The following PGPEP1 variants were observed in gnomAD, a reference collection of about 807,000 sequenced individuals.
The protein encoded by PGPEP1 is pyroglutamyl-peptidase I, also known as pyroglutamyl-peptidase 1.
PGPEP1 carries 15 observed loss-of-function variants against 24.1 expected under a neutral mutation model. That is an observed-to-expected ratio of 0.62 (90% CI 0.42 to 0.96). PGPEP1 has a LOEUF of 0.96. PGPEP1 is among the 40% of genes least tolerant of loss of function. PGPEP1 has a pLI of 0.00. For synonymous variants in PGPEP1, 122 were observed against 116.4 expected (o/e 1.05, Z -0.31); for missense variants, 242 against 273.4 (o/e 0.89, Z 0.81).
intron 4 of PGPEP1, among the ~76,000 whole-genome samples, chr19:18,359,723 G>A (rs1263842161): frequency 6.6e-6 from 1 of 152,008 alleles, no homozygotes; most frequent in Non-Finnish European, 1.5e-5. Flanking sequence ...GGCCACACCA[G>A]GGTGGTCTCG....
At chr19:18,346,415 A>G (rs1423672273) in intron 2 of PGPEP1, among the ~76,000 whole-genome samples, 1 of 151,950 alleles carries the variant, frequency 6.6e-6, no homozygotes, top group Non-Finnish European at 1.5e-5. Context: ...GTGGGTGGCA[A>G]TTGCTTCCTG....
At chr19:18,362,092 G>A (rs1971360640) in intron 4 of PGPEP1, among the ~76,000 whole-genome samples, 1 of 152,082 alleles carries the variant, frequency 6.6e-6, no homozygotes, top group South Asian at 2.1e-4. Flanking sequence ...TTGTGCAGAT[G>A]GTTCCTGAGG....
At chr19:18,355,328 T>C (rs374701987) in intron 2 of PGPEP1, among the ~76,000 whole-genome samples, 45 of 151,952 alleles carry the variant, frequency 3.0e-4, no homozygotes, top group African/African-American at 9.4e-4. Flanking sequence ...TTACGTGATC[T>C]TGGCTCACTA....
rs947278429 is a variant in PGPEP1 at position 18,340,806 on chromosome 19, G to A, written c.34+91G>A. On this transcript the variant is annotated intron_variant, in intron 1 of 4. Coordinates refer to ENST00000269919, the MANE Select transcript of PGPEP1 (RefSeq NM_017712.4). ...TGCGGGGCCGAGAGGGGCAGGTGCTGGAAGTCCTCTCAGATTTGGAAGGTG... is the reference window on the plus strand; with the variant it reads ...TGCGGGGCCGAGAGGGGCAGGTGCTAGAAGTCCTCTCAGATTTGGAAGGTG... 5.2e-6 allele frequency: 5 copies of A among 960,072 alleles called. No homozygotes were observed. The African/African-American group carries it at 8.5e-5, about 16-fold the overall frequency. The allele number at this position is 960,072 out of a possible 1,614,324, so 59.5% of individuals were successfully genotyped here.
chr19:18,358,232 ACT>A (rs1228294112), intron 4 of PGPEP1, among the ~76,000 whole-genome samples: 13 of 133,884 alleles, frequency 9.7e-5, no homozygotes, highest in Non-Finnish European at 1.9e-4. Flanking sequence ...TATATTTAGG[ACT>A]CATCCTAATC....
At position 18,361,155 on chromosome 19, in the gene PGPEP1, A is replaced by C. The variant is rs572497062; in HGVS notation, c.438-2236A>C. Reference sequence around the variant, plus strand: ...CTCAATTTTCTTTCTTTTTTTTTAAAGACAAGAGTTTCGCTCTTGTTGCCC... The same window carrying C: ...CTCAATTTTCTTTCTTTTTTTTTAACGACAAGAGTTTCGCTCTTGTTGCCC... On this transcript the variant is annotated intron_variant, in intron 4 of 4. Transcript: ENST00000269919. Among the ~76,000 whole-genome samples the C allele has an allele frequency of 3.4e-5, 5 of 148,446 alleles. No individual in the cohort carries two copies. The Admixed American group carries it at 3.4e-4, about 10-fold the overall frequency.
At chr19:18,361,198 C>T (rs1012337094) in intron 4 of PGPEP1, among the ~76,000 whole-genome samples, 5 of 150,998 alleles carry the variant, frequency 3.3e-5, no homozygotes, top group Non-Finnish European at 7.4e-5. Flanking sequence ...AGTGCAATGG[C>T]AGAATCTCAG....
intron 2 of PGPEP1, among the ~76,000 whole-genome samples, chr19:18,348,540 C>T (rs1970928364): frequency 6.6e-6 from 1 of 152,094 alleles, no homozygotes; most frequent in African/African-American, 2.4e-5. Flanking sequence ...TTGGGGTGCC[C>T]TGCCCCCCTT....
intron 3 of PGPEP1, 44 bp from the exon 4 acceptor site, chr19:18,357,339 C>T (rs1250792336): frequency 6.7e-7 from 1 of 1,500,670 alleles, no homozygotes; most frequent in Non-Finnish European, 9.2e-7. Context: ...CCCTCTGAGT[C>T]CCACGGGCAG....
Position 18,364,097 on chromosome 19 carries a change from T to TTTCTTTCTTTCTTTC in PGPEP1, c.*517_*531dup, listed in dbSNP as rs1225169491. 3 of 127,110 alleles carry TTTCTTTCTTTCTTTC rather than the reference T, an allele frequency of 2.4e-5. No homozygotes were observed. The highest frequency in any genetic ancestry group is 5.0e-5 in the Non-Finnish European group (3 of 59,786). 7.9% of individuals were successfully genotyped at this position (127,110 alleles called of 1,614,324 possible). ...CTGGCTGGCTGGCTTTCTTTCTTTCTTTCTTTCTTTCTTTCTTGCTTTCTT... is the reference window on the plus strand; with the variant it reads ...CTGGCTGGCTGGCTTTCTTTCTTTCTTTCTTTCTTTCTTTCTTCTTTCTTTCTTTCTTGCTTTCTT... On this transcript the variant is annotated 3_prime_UTR_variant, in exon 5 of 5. Transcript: ENST00000269919.
chr19:18,361,765 A>G (rs1971354024), intron 4 of PGPEP1: 1 of 985,034 alleles, frequency 1.0e-6, no homozygotes, highest in African/African-American at 1.8e-5. Flanking sequence ...TATATACATC[A>G]CTTGGCCTGC....
intron 4 of PGPEP1, chr19:18,361,947 C>T: frequency 1.1e-6 from 1 of 900,394 alleles, no homozygotes; most frequent in Non-Finnish European, 1.3e-6. Flanking sequence ...TAAACAGATT[C>T]ATAGGATTCC....
At chr19:18,355,314 G>A (rs374409874) in intron 2 of PGPEP1, among the ~76,000 whole-genome samples, 1 of 151,390 alleles carries the variant, frequency 6.6e-6, no homozygotes, top group East Asian at 1.9e-4. Context: ...AGGCTGGAGT[G>A]CAGTTACGTG....
At chr19:18,352,681 G>T (rs1397281467) in intron 2 of PGPEP1, among the ~76,000 whole-genome samples, 1 of 151,506 alleles carries the variant, frequency 6.6e-6, no homozygotes, top group Non-Finnish European at 1.5e-5. Context: ...TCAGCCTCCC[G>T]AGTAGCTGGG....
intron 2 of PGPEP1, among the ~76,000 whole-genome samples, chr19:18,352,986 C>T (rs182760112): frequency 1.2e-3 from 177 of 151,468 alleles, no homozygotes; most frequent in African/African-American, 3.8e-3. Flanking sequence ...GGCACAATCT[C>T]GGCTCACTGC....
At position 18,363,938 on chromosome 19, in the gene PGPEP1, G is replaced by A. The variant is rs924672738; in HGVS notation, c.*355G>A. The A allele has an allele frequency of 3.0e-5, 6 of 200,358 alleles. No individual in the cohort carries two copies. Among genetic ancestry groups the A allele is most frequent in the East Asian group, 1.2e-4 (1 of 8,286 alleles). The allele number at this position is 200,358 out of a possible 1,614,324, so 12.4% of individuals were successfully genotyped here. On this transcript the variant is annotated 3_prime_UTR_variant, in exon 5 of 5. Transcript: ENST00000269919. ...CATATGTTCACCTGCTTTCCTGTCC[G>A]TTGGTGAAGGAATTTCAGAATTCAT...
In PGPEP1 at chr19:18,363,400, C is replaced by T. The variant is rs545946264; in HGVS notation, c.447C>T (p.Cys149=). The T allele has an allele frequency of 2.1e-5, 34 of 1,607,474 alleles. No individual in the cohort carries two copies. The South Asian group carries it at 2.2e-4, about 10-fold the overall frequency. Residue 149 remains cysteine, a synonymous_variant, in exon 5 of 5, where the codon TGC becomes TGT. Coordinates refer to ENST00000269919, the MANE Select transcript of PGPEP1 (RefSeq NM_017712.4). ...TISQDAGRYL[C]DFTYYTSLYQ... ...ACGCCCTGCGGCTTAGATATCTCTGCGACTTTACCTACTACACCTCTTTGT... is the reference window on the plus strand; with the variant it reads ...ACGCCCTGCGGCTTAGATATCTCTGTGACTTTACCTACTACACCTCTTTGT...
intron 1 of PGPEP1, 136 bp downstream of exon 1, chr19:18,340,851 C>G: frequency 3.2e-6 from 2 of 623,472 alleles, no homozygotes; most frequent in South Asian, 4.0e-5. Context: ...GCGGGAGCCC[C>G]GCGCAGCCCA....
chr19:18,363,222 T>C (rs1971399771), intron 4 of PGPEP1, among the ~76,000 whole-genome samples, 169 bp from the exon 5 acceptor site: 1 of 151,772 alleles, frequency 6.6e-6, no homozygotes, highest in East Asian at 1.9e-4. Context: ...CCTCTGGTGA[T>C]TTTTTTTCAT....
Sources: allele counts gnomAD v4.1 joint callset (sites outside exome capture counted in the v4.1 genomes callset), GRCh38; gene constraint gnomAD v4.1.1; transcripts MANE v1.5; gene names NCBI Gene and HGNC (gene_info 2026-07-23, HGNC 2026-07-21).